KLF12: variants seen among roughly 807,000 people sequenced by gnomAD.
KLF12 encodes the protein Krueppel-like factor 12.
In KLF12, 9 loss-of-function variants were observed where a neutral mutation model predicts 37.8. That is an observed-to-expected ratio of 0.24 (90% CI 0.14 to 0.42). The LOEUF is 0.42. KLF12 is among the 10% of genes least tolerant of loss of function. KLF12 has a pLI of 1.00. For missense variants in KLF12, 411 were observed against 516.0 expected, an observed-to-expected ratio of 0.80 and a Z score of 1.97; for synonymous variants, 208 against 202.1, an observed-to-expected ratio of 1.03 and a Z score of -0.25.
At chr13:74,036,110 A>T (rs1342304835) in intron 1 of KLF12, among the ~76,000 whole-genome samples, 1 of 152,118 alleles carries the variant, frequency 6.6e-6, no homozygotes, top group Non-Finnish European at 1.5e-5. Flanking sequence ...AGCATTCATC[A>T]GCTCCTTGTG....
At chr13:73,915,689 AT>A (rs140697314) in intron 3 of KLF12, among the ~76,000 whole-genome samples, 4,986 of 99,114 alleles carry the variant, frequency 0.05, 124 homozygotes, top group African/African-American at 0.091. Context: ...ATTTTTTTGT[AT>A]TTTTTTTTTT....
chr13:73,939,820 T>A (rs893846649), intron 3 of KLF12, among the ~76,000 whole-genome samples: 13 of 152,148 alleles, frequency 8.5e-5, no homozygotes, highest in African/African-American at 2.9e-4. Context: ...TTTCTCACTT[T>A]GAAGTCTGTG....
intron 6 of KLF12, among the ~76,000 whole-genome samples, chr13:73,719,480 C>T (rs1876066597): frequency 6.6e-6 from 1 of 151,496 alleles, no homozygotes; most frequent in Non-Finnish European, 1.5e-5. Flanking sequence ...CCTGGTATTC[C>T]TGATTTTTAA....
At chr13:73,849,624 A>T (rs1432566967) in intron 3 of KLF12, among the ~76,000 whole-genome samples, 2 of 152,192 alleles carry the variant, frequency 1.3e-5, no homozygotes, top group African/African-American at 4.8e-5. Flanking sequence ...CAAAGGGGAT[A>T]AGAACACTGA....
chr13:73,812,442 C>A (rs1482127324), intron 5 of KLF12, among the ~76,000 whole-genome samples: 2 of 150,554 alleles, frequency 1.3e-5, no homozygotes, highest in Admixed American at 6.6e-5. Context: ...TTGTGGTAAA[C>A]ATTTCACTAT....
At chr13:73,813,119 A>C in intron 5 of KLF12, 33 bp downstream of exon 5, 1 of 1,609,304 alleles carries the variant, frequency 6.2e-7, no homozygotes, top group Non-Finnish European at 8.5e-7. Context: ...CACCTTGGCA[A>C]TTCTTAATTC....
At chr13:74,216,003 A>G in the KLF12 span, among the ~76,000 whole-genome samples, 1 of 152,184 alleles carries the variant, frequency 6.6e-6, no homozygotes, top group African/African-American at 2.4e-5. Context: ...TGCAACATAC[A>G]TGCTTTCAGG....
At chr13:73,935,454 G>A (rs1039176805) in intron 3 of KLF12, among the ~76,000 whole-genome samples, 3 of 152,016 alleles carry the variant, frequency 2.0e-5, no homozygotes, top group Non-Finnish European at 4.4e-5. Flanking sequence ...TCCAATGTTA[G>A]AGGTGGGCCT....
chr13:74,269,688 G>T, the KLF12 span, among the ~76,000 whole-genome samples: 8 of 152,260 alleles, frequency 5.3e-5, no homozygotes, highest in Admixed American at 5.2e-4. Context: ...TTGCTGCCCA[G>T]GAGCTCAAGT....
intron 6 of KLF12, among the ~76,000 whole-genome samples, chr13:73,727,787 T>A (rs1876771788): frequency 6.6e-6 from 1 of 151,804 alleles, no homozygotes; most frequent in Admixed American, 6.6e-5. Flanking sequence ...AACCTCCGTC[T>A]CCCGGGTTCA....
intron 1 of KLF12, among the ~76,000 whole-genome samples, chr13:74,092,599 C>T (rs371469327): frequency 2.0e-5 from 3 of 151,108 alleles, no homozygotes; most frequent in South Asian, 4.2e-4. Flanking sequence ...ACCCCAGCCT[C>T]GGCAACAGAG....
At chr13:74,064,321 T>C (rs963704067) in intron 1 of KLF12, among the ~76,000 whole-genome samples, 1 of 152,220 alleles carries the variant, frequency 6.6e-6, no homozygotes, top group Admixed American at 6.5e-5. Context: ...CCATAAACAT[T>C]TGCCTAGTAC....
intron 5 of KLF12, among the ~76,000 whole-genome samples, chr13:73,790,774 C>T (rs1256548484): frequency 6.6e-6 from 1 of 152,196 alleles, no homozygotes; most frequent in African/African-American, 2.4e-5. Flanking sequence ...GGAGCAGATA[C>T]CCTTAGCTCC....
chr13:73,931,590 C>A (rs1889681028), intron 3 of KLF12, among the ~76,000 whole-genome samples: 1 of 152,112 alleles, frequency 6.6e-6, no homozygotes, highest in Non-Finnish European at 1.5e-5. Context: ...TATCTTCTAA[C>A]TTCATAAAAC....
chr13:73,871,174 A>G (rs951455549), intron 3 of KLF12, among the ~76,000 whole-genome samples: 2 of 152,078 alleles, frequency 1.3e-5, no homozygotes, highest in Non-Finnish European at 2.9e-5. Flanking sequence ...ACAACATTCA[A>G]CGTTGCAGAG....
rs1326228307 is a variant in KLF12, at chr13:74,072,395, AT to A, written c.-32+61343del. On this transcript the variant is annotated intron_variant, in intron 1 of 7. Coordinates refer to ENST00000377669, the MANE Select transcript of KLF12 (RefSeq NM_007249.5). ...TATATATATATATATATATATATATATATATATATATAAAAGATTATCTACA... is the reference window on the plus strand; with the variant it reads ...TATATATATATATATATATATATATAATATATATATAAAAGATTATCTACA... Among the ~76,000 whole-genome samples, 169 of 130,028 alleles carry A rather than the reference AT, an allele frequency of 1.3e-3. 3 individuals carry two copies. The highest frequency in any genetic ancestry group is 2.3e-3 in the Non-Finnish European group (144 of 62,122). The allele number at this position is 130,028 out of a possible 152,430, so 85.3% of individuals were successfully genotyped here.
the KLF12 span, among the ~76,000 whole-genome samples, chr13:74,284,867 A>G: frequency 6.6e-6 from 1 of 152,232 alleles, no homozygotes; most frequent in Non-Finnish European, 1.5e-5. Context: ...CAACATTCTC[A>G]CTTATGCAAC....
chr13:73,918,930 A>G (rs1888982331), intron 3 of KLF12, among the ~76,000 whole-genome samples: 1 of 152,126 alleles, frequency 6.6e-6, no homozygotes, highest in African/African-American at 2.4e-5. Context: ...ACATGTCATT[A>G]CCTCTGAATT....
At chr13:74,018,033 T>C (rs1228031749) in intron 1 of KLF12, among the ~76,000 whole-genome samples, 4 of 151,866 alleles carry the variant, frequency 2.6e-5, no homozygotes, top group Non-Finnish European at 5.9e-5. Flanking sequence ...TAAATTAGGA[T>C]TGGAACAACC....
Sources: gnomAD v4.1 joint callset for allele counts (sites outside exome capture counted in the v4.1 genomes callset) on GRCh38, gnomAD v4.1.1 for gene constraint, MANE v1.5 for transcripts, NCBI Gene and HGNC (gene_info 2026-07-23, HGNC 2026-07-21) for gene names.